Variants in MYO1H observed in about 807,000 individuals in gnomAD.
MYO1H encodes the protein unconventional myosin-Ih.
A neutral mutation model predicts 149.3 loss-of-function variants in MYO1H; 118 were observed. The ratio of observed to expected loss-of-function variants is 0.79; its 90% CI spans 0.68 to 0.92. The LOEUF is 0.92. MYO1H is among the 40% of genes least tolerant of loss of function. The pLI is 0.00. For missense variants in MYO1H, 1,212 were observed against 1,280.7 expected, an observed-to-expected ratio of 0.95 and a Z score of 0.82; for synonymous variants, 447 against 465.2, an observed-to-expected ratio of 0.96 and a Z score of 0.50.
At chr12:109,436,325 G>A (rs1431872536) in intron 21 of MYO1H, among the ~76,000 whole-genome samples, 163 bp from the exon 22 acceptor site, 2 of 152,096 alleles carry the variant, frequency 1.3e-5, no homozygotes, top group Non-Finnish European at 2.9e-5. Flanking sequence ...CATGTAACCA[G>A]CCAGCTCTCA....
chr12:109,399,183 T>G (rs945771105), intron 5 of MYO1H, among the ~76,000 whole-genome samples: 8 of 152,156 alleles, frequency 5.3e-5, no homozygotes, highest in Non-Finnish European at 7.3e-5. Context: ...ATTTGAAAAT[T>G]TTTTTGAAAC....
chr12:109,354,817 A>G (rs1190005167), intron 1 of MYO1H, among the ~76,000 whole-genome samples: 1 of 152,190 alleles, frequency 6.6e-6, no homozygotes, highest in African/African-American at 2.4e-5. Flanking sequence ...TTTCTTCAAC[A>G]AGAGGAATCT....
At chr12:109,355,755 A>T in intron 1 of MYO1H, among the ~76,000 whole-genome samples, 1 of 148,334 alleles carries the variant, frequency 6.7e-6, no homozygotes, top group Non-Finnish European at 1.5e-5. Flanking sequence ...TTGGGAGATG[A>T]AGTCTCTGTC....
intron 3 of MYO1H, 27 bp from the exon 4 acceptor site, chr12:109,396,357 T>C (rs974199278): frequency 6.4e-7 from 1 of 1,569,732 alleles, no homozygotes; most frequent in Non-Finnish European, 8.6e-7. Context: ...TTAAAACGAA[T>C]TTGTTTCCGT....
chr12:109,365,738 A>G (rs1566019228), intron 1 of MYO1H, among the ~76,000 whole-genome samples: 2 of 152,224 alleles, frequency 1.3e-5, no homozygotes, highest in Admixed American at 1.3e-4. Flanking sequence ...ACCATGGCCC[A>G]GAGCCAACAT....
intron 1 of MYO1H, among the ~76,000 whole-genome samples, chr12:109,351,427 C>A (rs1397267225): frequency 1.3e-5 from 2 of 152,214 alleles, no homozygotes. Flanking sequence ...TCACCGCAGA[C>A]ACTTATGACA....
intron 19 of MYO1H, 41 bp downstream of exon 19, chr12:109,427,627 C>CACATGA: frequency 1.5e-6 from 2 of 1,329,382 alleles, no homozygotes; most frequent in Non-Finnish European, 2.2e-6. Flanking sequence ...TAGTCATGTG[C>CACATGA]CTACTACATG....
At chr12:109,403,773 CAG>C (rs746180040) in intron 6 of MYO1H, among the ~76,000 whole-genome samples, 3 of 152,054 alleles carry the variant, frequency 2.0e-5, no homozygotes, top group Admixed American at 6.6e-5. Flanking sequence ...TTTCCCAGAA[CAG>C]AGATTTTTAA....
upstream of MYO1H, among the ~76,000 whole-genome samples, chr12:109,343,460 A>G (rs988517774): frequency 2.0e-5 from 3 of 152,238 alleles, no homozygotes; most frequent in Admixed American, 1.3e-4. Flanking sequence ...TATTTTTATC[A>G]CTGACATTGC....
intron 14 of MYO1H, 110 bp downstream of exon 14, chr12:109,412,095 A>G (rs1870701479): frequency 1.4e-6 from 1 of 694,548 alleles, no homozygotes. Context: ...ATACATAAAA[A>G]TATCTTTATG....
exon 32 of MYO1H, chr12:109,447,687 A>G (rs994411476): frequency 5.6e-6 from 1 of 177,884 alleles, no homozygotes; most frequent in Non-Finnish European, 1.2e-5. Context: ...CACGTCCCCA[A>G]GGTGTGTGTG....
intron 8 of MYO1H, among the ~76,000 whole-genome samples, chr12:109,406,466 TTAAAAAAAAAAAAAAAA>T (rs1467228811): frequency 2.0e-5 from 2 of 101,708 alleles, no homozygotes; most frequent in Non-Finnish European, 3.9e-5. Flanking sequence ...ACCCTATCTC[TTAAAAAAAAAAAAAAAA>T]AAAAAAAAAA....
intron 15 of MYO1H, among the ~76,000 whole-genome samples, chr12:109,420,159 C>T (rs949669498): frequency 7.2e-5 from 11 of 152,064 alleles, no homozygotes; most frequent in African/African-American, 2.7e-4. Flanking sequence ...TGTTTCTTTG[C>T]TATTGGACTA....
chr12:109,367,402 C>T (rs987764281), intron 1 of MYO1H, among the ~76,000 whole-genome samples: 3 of 152,112 alleles, frequency 2.0e-5, no homozygotes, highest in Non-Finnish European at 4.4e-5. Flanking sequence ...CTTCCATCTC[C>T]AGCTACATTG....
chr12:109,420,969 A>C lies in MYO1H; in HGVS notation c.1598-12A>C. 1 of 1,535,360 alleles carries C rather than the reference A, an allele frequency of 6.5e-7. No homozygotes were observed. The highest frequency in any genetic ancestry group is 2.2e-5 in the East Asian group (1 of 44,462). ...ACATTGATTCAAAAAATTTTTCTTCAATGTTTTACAGGATTCTTGGAAAAA... is the reference window on the plus strand; with the variant it reads ...ACATTGATTCAAAAAATTTTTCTTCCATGTTTTACAGGATTCTTGGAAAAA... On this transcript the variant is annotated splice_polypyrimidine_tract_variant and intron_variant, in intron 15 of 31. Transcript: ENST00000310903.
In MYO1H at chr12:109,371,320, G is replaced by A. The variant is rs527677008; in HGVS notation, c.13-17363G>A. On this transcript the variant is annotated intron_variant, in intron 1 of 31. Transcript: ENST00000310903. ...AGCCTCTACCTCCCCGGGCTCAGAT[G>A]ATCTTCCTACCTTGGCCTCCTAAGT... Among the ~76,000 whole-genome samples, 104 of 148,078 alleles carry A rather than the reference G, an allele frequency of 7.0e-4. 1 individual carries two copies. The highest frequency in any genetic ancestry group is 5.2e-3 in the Admixed American group (74 of 14,308).
At chr12:109,377,565 G>T (rs1010190996) in intron 1 of MYO1H, among the ~76,000 whole-genome samples, 2 of 152,202 alleles carry the variant, frequency 1.3e-5, no homozygotes, top group Admixed American at 6.5e-5. Flanking sequence ...TTCAACATGA[G>T]ACTTGGTGGA....
chr12:109,426,556 T>C (rs1287753388), intron 18 of MYO1H, among the ~76,000 whole-genome samples: 1 of 151,988 alleles, frequency 6.6e-6, no homozygotes, highest in African/African-American at 2.4e-5. Context: ...GGTAAATGAA[T>C]GCCTTTGGTG....
At chr12:109,312,426 G>A in the MYO1H span, among the ~76,000 whole-genome samples, 2 of 150,594 alleles carry the variant, frequency 1.3e-5, no homozygotes, top group Admixed American at 1.3e-4. Flanking sequence ...AAGTAGAGAC[G>A]GGGTTTCACT....
Sources: gnomAD v4.1 joint callset for allele counts (sites outside exome capture counted in the v4.1 genomes callset) on GRCh38, gnomAD v4.1.1 for gene constraint, MANE v1.5 for transcripts, NCBI Gene and HGNC (gene_info 2026-07-23, HGNC 2026-07-21) for gene names.